The following GRIK1 variants were observed in gnomAD, a reference collection of about 807,000 sequenced individuals.
The protein encoded by GRIK1 is glutamate ionotropic receptor kainate type subunit 1.
In GRIK1, 69 loss-of-function variants were observed where a neutral mutation model predicts 105.7. The ratio of observed to expected loss-of-function variants is 0.65; its 90% CI spans 0.54 to 0.80. GRIK1 has a LOEUF of 0.80. Among genes scored for constraint, GRIK1 ranks in the 30% least tolerant of loss-of-function variants. GRIK1 has a pLI of 0.00. For synonymous variants in GRIK1, 438 were observed against 431.3 expected (o/e 1.02, Z -0.19); for missense variants, 1,109 against 1,167.3 (o/e 0.95, Z 0.73).
intron 1 of GRIK1, among the ~76,000 whole-genome samples, chr21:29,900,267 A>T (rs1044880567): frequency 5.9e-5 from 9 of 151,988 alleles, no homozygotes; most frequent in Non-Finnish European, 1.0e-4. Context: ...GACAGGATCA[A>T]ATTCACACAT....
Position 29,910,401 on chromosome 21 carries a change from T to A in GRIK1, c.118+28982A>T, listed in dbSNP as rs529274262. Among the ~76,000 whole-genome samples the A allele has an allele frequency of 3.3e-5, 5 of 152,220 alleles. No homozygotes were observed. The East Asian group carries it at 9.6e-4, about 29-fold the overall frequency. On this transcript the variant is annotated intron_variant, in intron 1 of 17. Coordinates refer to ENST00000327783, the MANE Select transcript of GRIK1 (RefSeq NM_001330994.2). ...AATCTCCGTAAAGCAAAAACAGTCT[T>A]TAATTGACTTCTGTCATTTGAGAGG...
chr21:29,539,252 T>C (rs2089931732), intron 16 of GRIK1, among the ~76,000 whole-genome samples: 1 of 152,214 alleles, frequency 6.6e-6, no homozygotes. Context: ...ATACACACAA[T>C]GTATGCTGAA....
intron 1 of GRIK1, among the ~76,000 whole-genome samples, chr21:29,757,149 TA>T (rs905908154): frequency 3.0e-4 from 45 of 150,634 alleles, no homozygotes; most frequent in African/African-American, 1.1e-3. Flanking sequence ...TTAAAAAATT[TA>T]AAAAAAAAGA....
At chr21:29,892,572 A>C (rs2069942685) in intron 1 of GRIK1, among the ~76,000 whole-genome samples, 1 of 152,184 alleles carries the variant, frequency 6.6e-6, no homozygotes, top group African/African-American at 2.4e-5. Context: ...GCTGCCTGGA[A>C]GGCTGGCACA....
Position 29,673,039 on chromosome 21 carries a change from C to T in GRIK1, c.670G>A (p.Glu224Lys), listed in dbSNP as rs1601421115. 3.1e-6 allele frequency: 5 copies of T among 1,613,418 alleles called. No homozygotes were observed. Among genetic ancestry groups the T allele is most frequent in the Non-Finnish European group, 4.2e-6 (5 of 1,179,546 alleles). Residue 224 changes from glutamate to lysine, a missense_variant, in exon 4 of 18, where the codon GAG becomes AAG. Glu to Lys is a moderately conservative substitution (Grantham distance 56, BLOSUM62 1). Around this residue, in one of 5 missense-constraint regions of GRIK1, gnomAD observed 612 missense variants for 586.0 expected, o/e 1.04. Coordinates refer to ENST00000327783, the MANE Select transcript of GRIK1 (RefSeq NM_001330994.2). ...GAACAATCAAATATCACATAGAACTCCTTGCCTTTCTTCATCTCCTTGAGT... is the reference window on the plus strand; with the variant it reads ...GAACAATCAAATATCACATAGAACTTCTTGCCTTTCTTCATCTCCTTGAGT... ...PLLKEMKKGK[E>K]FYVIFDCSHE...
At chr21:29,646,663 A>C (rs2062626229) in intron 6 of GRIK1, among the ~76,000 whole-genome samples, 1 of 152,124 alleles carries the variant, frequency 6.6e-6, no homozygotes, top group African/African-American at 2.4e-5. Context: ...TGTTGGAAAA[A>C]GCTGGAGGAG....
At chr21:29,908,799 A>G (rs549154845) in intron 1 of GRIK1, among the ~76,000 whole-genome samples, 7 of 152,322 alleles carry the variant, frequency 4.6e-5, no homozygotes, top group African/African-American at 1.7e-4. Flanking sequence ...TAGAAACTTC[A>G]ACAATGAACA....
chr21:29,902,645 G>A (rs2070452705), intron 1 of GRIK1, among the ~76,000 whole-genome samples: 2 of 152,136 alleles, frequency 1.3e-5, no homozygotes, highest in Admixed American at 1.3e-4. Flanking sequence ...AATAAGAGAG[G>A]ACACAAACAA....
intron 3 of GRIK1, among the ~76,000 whole-genome samples, chr21:29,680,867 G>A (rs1157384748): frequency 6.6e-6 from 1 of 152,194 alleles, no homozygotes; most frequent in Non-Finnish European, 1.5e-5. Flanking sequence ...GGGCGTGGTG[G>A]CTCATGCCTG....
At chr21:29,829,354 T>G (rs2067563093) in intron 1 of GRIK1, among the ~76,000 whole-genome samples, 1 of 152,216 alleles carries the variant, frequency 6.6e-6, no homozygotes, top group Non-Finnish European at 1.5e-5. Context: ...CAGCTAACTT[T>G]GGACGTCTTC....
intron 1 of GRIK1, among the ~76,000 whole-genome samples, chr21:29,892,788 G>A (rs2069950760): frequency 6.6e-6 from 1 of 152,122 alleles, no homozygotes; most frequent in Admixed American, 6.6e-5. Flanking sequence ...AATCTTTTTT[G>A]TGCTATTTAG....
At chr21:29,868,004 AAAG>A (rs896785897) in intron 1 of GRIK1, among the ~76,000 whole-genome samples, 20 of 141,336 alleles carry the variant, frequency 1.4e-4, no homozygotes, top group Admixed American at 4.3e-4. Flanking sequence ...GGAGAGAAAG[AAAG>A]AAAGAAAAGA....
At chr21:29,634,638 T>G (rs1349762332) in intron 7 of GRIK1, among the ~76,000 whole-genome samples, 5 of 152,130 alleles carry the variant, frequency 3.3e-5, no homozygotes, top group Admixed American at 3.3e-4. Flanking sequence ...GAGTGAAGCA[T>G]GTTAAGTGCT....
intron 7 of GRIK1, among the ~76,000 whole-genome samples, chr21:29,634,516 C>T (rs555036042): frequency 8.3e-4 from 126 of 152,334 alleles, no homozygotes; most frequent in African/African-American, 2.8e-3. Flanking sequence ...ATTTAACTTT[C>T]TGGCTTCAGT....
chr21:29,730,132 T>A (rs574680846), intron 1 of GRIK1, among the ~76,000 whole-genome samples: 24 of 152,334 alleles, frequency 1.6e-4, no homozygotes, highest in African/African-American at 5.3e-4. Flanking sequence ...AGTGCTTAAA[T>A]CCCTAGTTGG....
chr21:29,678,711 T>C (rs2063319362), intron 3 of GRIK1, among the ~76,000 whole-genome samples: 2 of 152,156 alleles, frequency 1.3e-5, no homozygotes, highest in South Asian at 4.1e-4. Flanking sequence ...CATCGTTGGG[T>C]TATTTCAGTG....
chr21:29,804,477 C>T (rs2066805017), intron 1 of GRIK1, among the ~76,000 whole-genome samples: 1 of 152,062 alleles, frequency 6.6e-6, no homozygotes, highest in Non-Finnish European at 1.5e-5. Context: ...AAACGCTAAA[C>T]TTGCCTCACT....
chr21:29,698,520 C>T (rs947096783), intron 1 of GRIK1, among the ~76,000 whole-genome samples: 16 of 152,182 alleles, frequency 1.1e-4, no homozygotes, highest in Non-Finnish European at 2.4e-4. Flanking sequence ...GGGTGAGAAA[C>T]CTCAAAATCG....
rs187707052 is a variant in GRIK1 at position 29,561,114 on chromosome 21, A to G, written c.2356+510T>C. 5.3e-5 allele frequency among the ~76,000 whole-genome samples: 8 copies of G among 152,346 alleles called. No homozygotes were observed. In the East Asian group the frequency reaches 1.5e-3, roughly 29 times the overall value. ...ATTTTACATAGTTGGCATTGATTGA[A>G]TGTAACATTGCCTGAGCACATCAGA... On this transcript the variant is annotated intron_variant, in intron 15 of 17. Coordinates refer to ENST00000327783, the MANE Select transcript of GRIK1 (RefSeq NM_001330994.2).
Sources: allele counts gnomAD v4.1 joint callset (sites outside exome capture counted in the v4.1 genomes callset), GRCh38; gene constraint gnomAD v4.1.1; regional missense constraint gnomAD v4.1.1; transcripts MANE v1.5; gene names NCBI Gene and HGNC (gene_info 2026-07-23, HGNC 2026-07-21).